The following ZPLD1 variants were observed in gnomAD, a reference collection of about 807,000 sequenced individuals.
The protein encoded by ZPLD1 is zona pellucida like domain containing 1.
In ZPLD1, 34 loss-of-function variants were observed where a neutral mutation model predicts 47.2. The ratio of observed to expected loss-of-function variants is 0.72; its 90% CI spans 0.55 to 0.96. ZPLD1 has a LOEUF of 0.96. Among genes scored for constraint, ZPLD1 ranks in the 40% least tolerant of loss-of-function variants. The pLI, the probability that ZPLD1 is intolerant of heterozygous loss-of-function variation, is 0.00. For missense variants in ZPLD1, 512 were observed against 505.8 expected (o/e 1.01, Z -0.12); for synonymous variants, 176 against 186.2 (o/e 0.95, Z 0.45).
intron 7 of ZPLD1, among the ~76,000 whole-genome samples, chr3:102,397,598 G>A (rs925471756): frequency 5.3e-5 from 8 of 152,014 alleles, no homozygotes; most frequent in Admixed American, 2.0e-4. Context: ...AGTGATATTT[G>A]GTCTGTGTTA....
chr3:102,431,544 G>A (rs1482454637), upstream of ZPLD1, among the ~76,000 whole-genome samples: 1 of 152,112 alleles, frequency 6.6e-6, no homozygotes, highest in Non-Finnish European at 1.5e-5. Flanking sequence ...AGAATATAGA[G>A]CTTCAGTCTA....
intron 3 of ZPLD1, among the ~76,000 whole-genome samples, chr3:102,439,010 TG>T (rs1707134399): frequency 1.3e-5 from 2 of 152,172 alleles, no homozygotes; most frequent in South Asian, 4.1e-4. Context: ...TTCAATGAAA[TG>T]ATGATTACCA....
intron 7 of ZPLD1, among the ~76,000 whole-genome samples, chr3:102,409,881 G>C (rs1013751884): frequency 6.6e-6 from 1 of 151,814 alleles, no homozygotes; most frequent in Non-Finnish European, 1.5e-5. Flanking sequence ...CTATTTGGTA[G>C]TCTTGTGCCT....
At chr3:102,388,050 C>T (rs1706452223) in intron 6 of ZPLD1, among the ~76,000 whole-genome samples, 4 of 151,876 alleles carry the variant, frequency 2.6e-5, no homozygotes, top group Middle Eastern at 6.8e-3. Context: ...TTAGTAGAGA[C>T]GGGGTTTCAC....
At chr3:102,460,156 A>G (rs1424522817) in intron 6 of ZPLD1, among the ~76,000 whole-genome samples, 1 of 152,060 alleles carries the variant, frequency 6.6e-6, no homozygotes, top group Non-Finnish European at 1.5e-5. Flanking sequence ...ATTTTATTGT[A>G]GCATTCCAAA....
chr3:102,390,517 G>A (rs1371327296), intron 6 of ZPLD1, among the ~76,000 whole-genome samples: 2 of 152,204 alleles, frequency 1.3e-5, no homozygotes, highest in Non-Finnish European at 1.5e-5. Context: ...AGAGCAAAGA[G>A]TATGTTTTGA....
At chr3:102,477,065 A>G (rs369646449) in intron 11 of ZPLD1, 24 bp downstream of exon 11, 30 of 1,612,634 alleles carry the variant, frequency 1.9e-5, no homozygotes, top group Non-Finnish European at 2.5e-5. Context: ...CATATTTTGC[A>G]ATGTTTTTTA....
intron 11 of ZPLD1, 105 bp downstream of exon 11, chr3:102,477,146 C>T: frequency 7.7e-7 from 1 of 1,293,070 alleles, no homozygotes; most frequent in Non-Finnish European, 1.1e-6. Context: ...AAGTTTGGTC[C>T]ATTTTAGATA....
intron 8 of ZPLD1, among the ~76,000 whole-genome samples, chr3:102,426,650 G>A (rs1022892694): frequency 6.6e-6 from 1 of 152,042 alleles, no homozygotes; most frequent in Non-Finnish European, 1.5e-5. Context: ...TAAAATAGAA[G>A]CAATTAATAT....
chr3:102,427,034 T>C (rs567967277), intron 8 of ZPLD1, among the ~76,000 whole-genome samples: 6 of 152,304 alleles, frequency 3.9e-5, no homozygotes, highest in African/African-American at 1.4e-4. Context: ...TCATGAAGTT[T>C]AATATTACAT....
intron 7 of ZPLD1, among the ~76,000 whole-genome samples, chr3:102,409,548 G>A (rs975004454): frequency 6.6e-6 from 1 of 151,730 alleles, no homozygotes; most frequent in African/African-American, 2.4e-5. Flanking sequence ...AACTATCAAA[G>A]ATATAATCTA....
intron 6 of ZPLD1, among the ~76,000 whole-genome samples, chr3:102,458,266 A>G (rs1463228708): frequency 2.6e-5 from 4 of 152,142 alleles, no homozygotes; most frequent in African/African-American, 7.2e-5. Context: ...ATCCTTGGTG[A>G]TGAATGTGTT....
intron 7 of ZPLD1, among the ~76,000 whole-genome samples, chr3:102,393,034 C>A (rs151103954): frequency 6.6e-6 from 1 of 151,978 alleles, no homozygotes; most frequent in Non-Finnish European, 1.5e-5. Flanking sequence ...GTATCTGGTA[C>A]GTCTATAATT....
rs1707807593 is a variant in ZPLD1 at position 102,479,511 on chromosome 3, T to C, written c.*1893T>C. The C allele has an allele frequency of 6.6e-6, 1 of 152,170 alleles. No homozygotes were observed. Among genetic ancestry groups the C allele is most frequent in the African/African-American group, 2.4e-5 (1 of 41,450 alleles). 9.4% of individuals were successfully genotyped at this position (152,170 alleles called of 1,614,324 possible). A position where few individuals can be genotyped will look rare whatever the true frequency, so the allele number is the denominator to read the frequency against. ...TTGGCCTTTTCAATTCTATACTCCA[T>C]TTTATAGAATTGAATAATGGACACA... On this transcript the variant is annotated 3_prime_UTR_variant, in exon 12 of 12. Coordinates refer to ENST00000466937, the MANE Select transcript of ZPLD1 (RefSeq NM_001329788.2).
intron 1 of ZPLD1, 98 bp downstream of exon 1, chr3:102,435,252 T>C (rs1707071520): frequency 7.5e-7 from 1 of 1,334,024 alleles, no homozygotes; most frequent in Admixed American, 1.7e-5. Flanking sequence ...TCGTAAGCCC[T>C]GCCAAGACTA....
chr3:102,456,240 G>T lies in ZPLD1; in HGVS notation c.375G>T (p.Val125=). 3 of 1,613,670 alleles carry T rather than the reference G, an allele frequency of 1.9e-6. No homozygotes were observed. Among genetic ancestry groups the T allele is most frequent in the Non-Finnish European group, 2.5e-6 (3 of 1,179,810 alleles). ...GVSAYGNATS[V]QVGNISGYID... ...GTGCTTATGGAAATGCAACTTCAGTGCAAGTAGGAAATATTTCAGGATATA... is the reference window on the plus strand; with the variant it reads ...GTGCTTATGGAAATGCAACTTCAGTTCAAGTAGGAAATATTTCAGGATATA... Residue 125 remains valine (V), a synonymous_variant, in exon 5 of 12, where the codon GTG becomes GTT. Transcript: ENST00000466937.
Position 102,455,971 on chromosome 3 carries a change from A to G in ZPLD1, c.328-222A>G, listed in dbSNP as rs79454308. ...CCTATAATCTCCTTTCTTTTTTATA[A>G]AGTATGAGTAAAGTGTCTTTGGTAA... On this transcript the variant is annotated intron_variant, in intron 4 of 11. Transcript: ENST00000466937. Among the ~76,000 whole-genome samples, 22,464 of 152,190 alleles carry G rather than the reference A, an allele frequency of 0.15. 2,126 individuals are homozygous for G. The highest frequency in any genetic ancestry group is 0.24 in the Middle Eastern group (70 of 294).
chr3:102,426,818 T>G (rs1430134195), intron 8 of ZPLD1, among the ~76,000 whole-genome samples: 2 of 152,204 alleles, frequency 1.3e-5, no homozygotes, highest in African/African-American at 4.8e-5. Context: ...AAGTATCATA[T>G]TTTGTGGATG....
chr3:102,447,801 T>C (rs867300233), intron 3 of ZPLD1, among the ~76,000 whole-genome samples: 17 of 152,190 alleles, frequency 1.1e-4, no homozygotes, highest in Non-Finnish European at 1.8e-4. Context: ...AATGCAAATA[T>C]ATTTTCAGTA....
Sources: allele counts gnomAD v4.1 joint callset (sites outside exome capture counted in the v4.1 genomes callset), GRCh38; gene constraint gnomAD v4.1.1; transcripts MANE v1.5; gene names NCBI Gene and HGNC (gene_info 2026-07-23, HGNC 2026-07-21).